The following UBE4B variants were observed in gnomAD, a reference collection of about 807,000 sequenced individuals.
The protein encoded by UBE4B is ubiquitination factor E4B.
A neutral mutation model predicts 148.1 loss-of-function variants in UBE4B; 27 were observed. The observed-to-expected ratio is 0.18, with a 90% CI of 0.13 to 0.25. The LOEUF is 0.25. Among genes scored for constraint, UBE4B ranks in the 10% least tolerant of loss-of-function variants. The pLI, the probability that UBE4B is intolerant of heterozygous loss-of-function variation, is 1.00. For missense variants in UBE4B, 1,170 were observed against 1,662.4 expected (o/e 0.70, Z 5.15); for synonymous variants, 596 against 619.3 (o/e 0.96, Z 0.56).
Position 10,106,274 on chromosome 1 carries a change from C to G in UBE4B, c.887C>G (p.Pro296Arg). 1 of 1,614,146 alleles carries G rather than the reference C, an allele frequency of 6.2e-7. No homozygotes were observed. The highest frequency in any genetic ancestry group is 1.3e-5 in the African/African-American group (1 of 75,036). ...VPVMGPSLAS[P>R]SRAASQLAVP... ...GTGATGGGCCCGTCTCTTGCCTCAC[C>G]TTCCCGTGCAGCCAGCCAGTTGGCT... Residue 296 changes from proline (P) to arginine (R), a missense_variant, in exon 7 of 28, where the codon CCT becomes CGT. By Grantham distance (103) the Pro-to-Arg change is moderately radical. Coordinates refer to ENST00000343090, the MANE Select transcript of UBE4B (RefSeq NM_001105562.3). The surrounding 1 kb of genome is among the most constrained non-coding windows in gnomAD (Gnocchi z 4.2).
chr1:10,048,219 A>G (rs1479825302), intron 1 of UBE4B, among the ~76,000 whole-genome samples: 1 of 152,200 alleles, frequency 6.6e-6, no homozygotes, highest in African/African-American at 2.4e-5. Context: ...AAGCAGCTCA[A>G]AAAATGGAAT....
Position 10,095,760 on chromosome 1 carries a change from A to G in UBE4B, c.347+164A>G, listed in dbSNP as rs555646782. ...TAAATTTAAAGATTTTGTATTATTC[A>G]GAAATATTCTTCATACTTTTGTTGC... On this transcript the variant is annotated intron_variant, in intron 3 of 27. Transcript: ENST00000343090. Among the ~76,000 whole-genome samples, 63 of 152,284 alleles carry G rather than the reference A, an allele frequency of 4.1e-4. 1 individual carries two copies. Among genetic ancestry groups the G allele is most frequent in the Admixed American group, 4.1e-3 (63 of 15,284 alleles).
chr1:10,160,193 TC>T (rs1244862596), intron 22 of UBE4B, among the ~76,000 whole-genome samples: 1 of 152,204 alleles, frequency 6.6e-6, no homozygotes, highest in African/African-American at 2.4e-5. Flanking sequence ...GCAGAACAGT[TC>T]CTTAGATTGG....
Position 10,041,667 on chromosome 1 carries a change from A to G in UBE4B, c.24+7973A>G, listed in dbSNP as rs1038901116. Among the ~76,000 whole-genome samples the G allele has an allele frequency of 8.6e-5, 13 of 151,736 alleles. No individual in the cohort carries two copies. In the East Asian group the frequency reaches 2.0e-3, roughly 23 times the overall value. ...TAGCATTCTTACGGTCCCTTCTGAG[A>G]TAGGAAGTGGAAGCCCCAGTGGACT... On this transcript the variant is annotated intron_variant, in intron 1 of 27. Coordinates refer to ENST00000343090, the MANE Select transcript of UBE4B (RefSeq NM_001105562.3).
Position 10,081,193 on chromosome 1 carries a change from G to T in UBE4B, c.211+8979G>T, listed in dbSNP as rs533831287. 2.0e-5 allele frequency among the ~76,000 whole-genome samples: 3 copies of T among 152,100 alleles called. No individual in the cohort carries two copies. In the East Asian group the frequency reaches 5.8e-4, roughly 29 times the overall value. On this transcript the variant is annotated intron_variant, in intron 2 of 27. Coordinates refer to ENST00000343090, the MANE Select transcript of UBE4B (RefSeq NM_001105562.3). ...TTCTCCTGCCTCAGCCTCCTGAGTA[G>T]CTGGGATTACAGGCCTGTGCCACCA... is the stretch of plus-strand genomic sequence containing the variant.
intron 1 of UBE4B, among the ~76,000 whole-genome samples, 166 bp downstream of exon 1, chr1:10,033,860 C>G (rs959097791): frequency 6.6e-6 from 1 of 152,196 alleles, no homozygotes; most frequent in African/African-American, 2.4e-5. Context: ...TGGTTTTGTT[C>G]TCCTTTATTC....
chr1:10,115,616 A>G (rs749559881), intron 7 of UBE4B, among the ~76,000 whole-genome samples: 1 of 152,194 alleles, frequency 6.6e-6, no homozygotes, highest in South Asian at 2.1e-4. Context: ...TAGTTTTCCA[A>G]AGTCTAAGGA....
At chr1:10,145,296 A>G (rs1395391414) in intron 18 of UBE4B, 3 of 258,196 alleles carry the variant, frequency 1.2e-5, no homozygotes, top group Non-Finnish European at 2.2e-5. Flanking sequence ...TATGATTCTC[A>G]GTTTAACATC....
Position 10,149,639 on chromosome 1 carries a change from T to G in UBE4B, c.2690+357T>G, listed in dbSNP as rs182871049. 2.0e-5 allele frequency among the ~76,000 whole-genome samples: 3 copies of G among 152,362 alleles called. No individual in the cohort carries two copies. The East Asian group carries it at 5.8e-4, about 29-fold the overall frequency. ...CCACATCTATATTTTGTACTAAAAT[T>G]TGTCTCAATTGTAAAATTGGAGAAT... On this transcript the variant is annotated intron_variant, in intron 20 of 27. Transcript: ENST00000343090.
intron 1 of UBE4B, among the ~76,000 whole-genome samples, chr1:10,070,508 T>G (rs984621031): frequency 1.3e-5 from 2 of 151,870 alleles, no homozygotes; most frequent in African/African-American, 4.8e-5. Context: ...CCGAGCTGCT[T>G]CCTGCCCCTT....
chr1:10,167,443 AT>A (rs1316817716), intron 23 of UBE4B, among the ~76,000 whole-genome samples: 3 of 132,590 alleles, frequency 2.3e-5, no homozygotes, highest in East Asian at 3.2e-4. Flanking sequence ...GTCTCAAAAA[AT>A]AATAATAATA....
At chr1:10,157,483 AAATAAT>A (rs1330006691) in intron 21 of UBE4B, among the ~76,000 whole-genome samples, 1 of 152,092 alleles carries the variant, frequency 6.6e-6, no homozygotes, top group Non-Finnish European at 1.5e-5. Flanking sequence ...GTCTCCAAAA[AAATAAT>A]AATAAAATAG....
intron 21 of UBE4B, among the ~76,000 whole-genome samples, chr1:10,157,159 C>A (rs1169966138): frequency 6.6e-6 from 1 of 152,148 alleles, no homozygotes; most frequent in South Asian, 2.1e-4. Flanking sequence ...GAATTATGGG[C>A]ACACACCACC....
At chr1:10,141,401 C>T (rs554005653) in intron 17 of UBE4B, among the ~76,000 whole-genome samples, 2 of 152,096 alleles carry the variant, frequency 1.3e-5, no homozygotes, top group South Asian at 4.2e-4. Context: ...GGGTCATGAG[C>T]CAATCCGGTA....
At chr1:10,038,294 A>AT (rs1262739349) in intron 1 of UBE4B, among the ~76,000 whole-genome samples, 1 of 152,104 alleles carries the variant, frequency 6.6e-6, no homozygotes, top group Non-Finnish European at 1.5e-5. Context: ...AAAAAAAAAA[A>AT]AAGATTTAGA....
chr1:10,173,826 G>C (rs1471530200), intron 25 of UBE4B, among the ~76,000 whole-genome samples: 1 of 152,240 alleles, frequency 6.6e-6, no homozygotes, highest in Non-Finnish European at 1.5e-5. Context: ...TTCGGTGTGG[G>C]TGGGCACAGC....
intron 2 of UBE4B, among the ~76,000 whole-genome samples, chr1:10,077,934 C>G (rs989370187): frequency 7.2e-5 from 11 of 151,948 alleles, no homozygotes; most frequent in African/African-American, 2.4e-4. Context: ...GCTCTTGGCT[C>G]TCTTAGAACT....
intron 1 of UBE4B, among the ~76,000 whole-genome samples, chr1:10,044,061 CAG>C (rs974889032): frequency 2.6e-5 from 4 of 151,224 alleles, no homozygotes; most frequent in Admixed American, 2.6e-4. Flanking sequence ...TTTTTGGAGA[CAG>C]AGTCTTGCTC....
chr1:10,080,194 G>T (rs1055464046), intron 2 of UBE4B, among the ~76,000 whole-genome samples: 12 of 152,100 alleles, frequency 7.9e-5, no homozygotes, highest in African/African-American at 2.9e-4. Context: ...GGCCGAGATG[G>T]AGGGATCATG....
Sources: gnomAD v4.1 joint callset for allele counts (sites outside exome capture counted in the v4.1 genomes callset) on GRCh38, gnomAD v4.1.1 for gene constraint, Gnocchi (gnomAD v3.1) non-coding constraint, MANE v1.5 for transcripts, NCBI Gene and HGNC (gene_info 2026-07-23, HGNC 2026-07-21) for gene names.